Variants in FHIT observed in about 807,000 individuals in gnomAD.
The protein encoded by FHIT is fragile histidine triad diadenosine triphosphatase.
A neutral mutation model predicts 17.9 loss-of-function variants in FHIT; 19 were observed. The ratio of observed to expected loss-of-function variants is 1.06; its 90% CI spans 0.74 to 1.56. The LOEUF (loss-of-function observed/expected upper bound fraction) is 1.56. Among genes scored for constraint, FHIT ranks in the 40% most tolerant of loss-of-function variants. The pLI, the probability that FHIT is intolerant of heterozygous loss-of-function variation, is 0.00. For synonymous variants in FHIT, 81 were observed against 69.7 expected, an observed-to-expected ratio of 1.16 and a Z score of -0.81; for missense variants, 248 against 189.2, an observed-to-expected ratio of 1.31 and a Z score of -1.82.
intron 8 of FHIT, among the ~76,000 whole-genome samples, chr3:59,864,832 G>GA (rs1553700021): frequency 1.0e-3 from 140 of 137,112 alleles, no homozygotes; most frequent in East Asian, 1.5e-3. Context: ...AAGAGAGAGA[G>GA]AAAAAAAAAA....
chr3:60,544,188 A>G (rs1452662268), intron 4 of FHIT, among the ~76,000 whole-genome samples: 2 of 151,942 alleles, frequency 1.3e-5, no homozygotes, highest in South Asian at 4.1e-4. Context: ...ATTGAGAAGC[A>G]GAAGTAACAC....
chr3:61,121,294 A>G (rs2036449879), intron 2 of FHIT, among the ~76,000 whole-genome samples: 2 of 152,196 alleles, frequency 1.3e-5, no homozygotes, highest in Admixed American at 6.5e-5. Flanking sequence ...CATAATCGTC[A>G]GATTCACCAA....
At chr3:60,431,397 C>G (rs2687194) in intron 5 of FHIT, among the ~76,000 whole-genome samples, 107,592 of 151,710 alleles carry the variant, frequency 0.71, 38,749 homozygotes, top group Non-Finnish European at 0.75. Flanking sequence ...AACCACTGCT[C>G]GCTCACTCTT....
chr3:60,405,945 C>T (rs1393400358), intron 5 of FHIT, among the ~76,000 whole-genome samples: 1 of 152,134 alleles, frequency 6.6e-6, no homozygotes, highest in Non-Finnish European at 1.5e-5. Flanking sequence ...AATAATCAAC[C>T]ACTTCTTATA....
chr3:60,635,734 T>G (rs968784769), intron 4 of FHIT, among the ~76,000 whole-genome samples: 2 of 152,272 alleles, frequency 1.3e-5, no homozygotes, highest in East Asian at 3.9e-4. Flanking sequence ...ATTGGAACTC[T>G]GAGCCCATAC....
intron 4 of FHIT, among the ~76,000 whole-genome samples, chr3:60,663,714 C>T (rs531357678): frequency 5.9e-5 from 9 of 152,106 alleles, no homozygotes; most frequent in African/African-American, 1.2e-4. Flanking sequence ...CCACTGCACC[C>T]GGCCTCTGTA....
intron 5 of FHIT, among the ~76,000 whole-genome samples, chr3:60,033,448 C>T (rs1408011988): frequency 6.6e-6 from 1 of 151,152 alleles, no homozygotes; most frequent in Non-Finnish European, 1.5e-5. Context: ...GAGCCAAGAT[C>T]GCGCCATTGC....
At chr3:60,224,977 T>C (rs1425185662) in intron 5 of FHIT, among the ~76,000 whole-genome samples, 1 of 152,030 alleles carries the variant, frequency 6.6e-6, no homozygotes, top group Non-Finnish European at 1.5e-5. Context: ...TGCCTAGGCC[T>C]CCCAAAGTGC....
At chr3:60,689,107 T>A (rs1244551748) in intron 4 of FHIT, among the ~76,000 whole-genome samples, 1 of 152,144 alleles carries the variant, frequency 6.6e-6, no homozygotes, top group East Asian at 1.9e-4. Context: ...GATCTGATGG[T>A]TTTAAAAACA....
chr3:60,002,182 A>G (rs1184560415), intron 7 of FHIT, among the ~76,000 whole-genome samples: 2 of 152,190 alleles, frequency 1.3e-5, no homozygotes, highest in East Asian at 1.9e-4. Flanking sequence ...GACTTGTTTA[A>G]AAGAATAAAC....
At chr3:61,047,511 G>A (rs1270181866) in intron 2 of FHIT, among the ~76,000 whole-genome samples, 1 of 152,176 alleles carries the variant, frequency 6.6e-6, no homozygotes, top group African/African-American at 2.4e-5. Context: ...AACATTCTAT[G>A]CTCATGGATA....
At chr3:59,885,412 G>A (rs558529241) in intron 8 of FHIT, among the ~76,000 whole-genome samples, 28 of 151,786 alleles carry the variant, frequency 1.8e-4, no homozygotes, top group African/African-American at 6.1e-4. Flanking sequence ...AGCCCTAAAG[G>A]GCTTCTAGAA....
At chr3:60,135,143 G>A (rs530171940) in intron 5 of FHIT, among the ~76,000 whole-genome samples, 57 of 152,190 alleles carry the variant, frequency 3.7e-4, no homozygotes, top group African/African-American at 1.3e-3. Context: ...GGAACTCAAA[G>A]GTGCAATGTT....
chr3:61,070,743 C>T (rs1278371906), intron 2 of FHIT, among the ~76,000 whole-genome samples: 1 of 152,126 alleles, frequency 6.6e-6, no homozygotes, highest in Non-Finnish European at 1.5e-5. Context: ...TTTTCTTTGA[C>T]ATGCTATATA....
chr3:59,997,732 T>C (rs1699571885), intron 7 of FHIT, among the ~76,000 whole-genome samples: 1 of 152,170 alleles, frequency 6.6e-6, no homozygotes, highest in African/African-American at 2.4e-5. Flanking sequence ...AGCTGACTCA[T>C]AGTCTTCCTT....
At chr3:61,026,195 A>G (rs55752953) in intron 3 of FHIT, among the ~76,000 whole-genome samples, 40,712 of 151,892 alleles carry the variant, frequency 0.27, 6,477 homozygotes, top group African/African-American at 0.45. Context: ...TGAAGAGTAA[A>G]AGAGGAGAAA....
At chr3:60,627,591 T>C (rs1213741654) in intron 4 of FHIT, among the ~76,000 whole-genome samples, 1 of 152,166 alleles carries the variant, frequency 6.6e-6, no homozygotes, top group Non-Finnish European at 1.5e-5. Flanking sequence ...TGGCGGGATC[T>C]AGGCTCACTG....
intron 5 of FHIT, among the ~76,000 whole-genome samples, chr3:60,056,147 G>A (rs1332925581): frequency 6.6e-6 from 1 of 152,188 alleles, no homozygotes; most frequent in Non-Finnish European, 1.5e-5. Context: ...CCTGAGTCAG[G>A]TTTGGCAGGG....
rs567326895 is a variant in FHIT at position 60,948,250 on chromosome 3, C to T, written c.-111+93797G>A. Reference sequence around the variant, plus strand: ...TTCTGAACTCTAAGCACTGGCAAGTCAGGCAGAAGGCCCAAAGGACCTAAC... The same window carrying T: ...TTCTGAACTCTAAGCACTGGCAAGTTAGGCAGAAGGCCCAAAGGACCTAAC... On this transcript the variant is annotated intron_variant, in intron 3 of 9. Coordinates refer to ENST00000492590, the MANE Select transcript of FHIT (RefSeq NM_002012.4). 7.9e-5 allele frequency among the ~76,000 whole-genome samples: 12 copies of T among 152,272 alleles called. No homozygotes were observed. In the South Asian group the frequency reaches 2.5e-3, roughly 32 times the overall value.
Sources: allele counts gnomAD v4.1 joint callset (sites outside exome capture counted in the v4.1 genomes callset), GRCh38; gene constraint gnomAD v4.1.1; transcripts MANE v1.5; gene names NCBI Gene and HGNC (gene_info 2026-07-23, HGNC 2026-07-21).